GHR: variants seen among roughly 807,000 people sequenced by gnomAD.
GHR encodes the protein GH receptor.
GHR carries 35 observed loss-of-function variants against 67.1 expected under a neutral mutation model. The ratio of observed to expected loss-of-function variants is 0.52; its 90% CI spans 0.40 to 0.69. The LOEUF is 0.69. Ranked by LOEUF, GHR falls within the 30% of genes least tolerant of loss-of-function variation. The pLI is 0.00. For synonymous variants in GHR, 272 were observed against 269.1 expected (o/e 1.01, Z -0.10); for missense variants, 792 against 764.6 (o/e 1.04, Z -0.42).
At chr5:42,624,482 T>C (rs1218336042) in intron 2 of GHR, among the ~76,000 whole-genome samples, 1 of 152,208 alleles carries the variant, frequency 6.6e-6, no homozygotes, top group East Asian at 1.9e-4. Context: ...TGCTATCCCA[T>C]GATTAACATA....
chr5:42,560,443 C>T (rs1334497457), intron 1 of GHR, among the ~76,000 whole-genome samples: 2 of 152,160 alleles, frequency 1.3e-5, no homozygotes, highest in Non-Finnish European at 2.9e-5. Context: ...CCACCTGCCT[C>T]GGCCTCCCAA....
Position 42,427,066 on chromosome 5 carries a change from C to T in GHR, c.-12+3111C>T, listed in dbSNP as rs114138844. 2.7e-3 allele frequency among the ~76,000 whole-genome samples: 409 copies of T among 152,280 alleles called. 4 individuals are homozygous for T. The highest frequency in any genetic ancestry group is 9.5e-3 in the African/African-American group (395 of 41,548). ...TCTAGTCTCTTTTCCCTGTGTTTAC[C>T]ATACTTGAAAACAAATATTATCCTC... is the stretch of plus-strand genomic sequence containing the variant. On this transcript the variant is annotated intron_variant, in intron 1 of 9. Coordinates refer to ENST00000230882, the MANE Select transcript of GHR (RefSeq NM_000163.5).
At chr5:42,481,542 G>C (rs1191963019) in intron 1 of GHR, among the ~76,000 whole-genome samples, 1 of 152,000 alleles carries the variant, frequency 6.6e-6, no homozygotes, top group Non-Finnish European at 1.5e-5. Flanking sequence ...ACGTAGATTT[G>C]GTCTTTTCAC....
At chr5:42,534,055 T>A (rs955215660) in intron 1 of GHR, among the ~76,000 whole-genome samples, 1 of 150,492 alleles carries the variant, frequency 6.6e-6, no homozygotes, top group Non-Finnish European at 1.5e-5. Flanking sequence ...AGTATATGTA[T>A]GTATATATAT....
chr5:42,680,408 C>T (rs895919549), intron 3 of GHR, among the ~76,000 whole-genome samples: 7 of 151,930 alleles, frequency 4.6e-5, no homozygotes, highest in South Asian at 2.1e-4. Context: ...TCCACCATAA[C>T]GGGCCAAAAG....
intron 3 of GHR, among the ~76,000 whole-genome samples, chr5:42,644,313 C>T (rs560188923): frequency 1.1e-4 from 16 of 152,240 alleles, no homozygotes; most frequent in Middle Eastern, 3.4e-3. Context: ...GAGAATTGAT[C>T]TGAATCAAAG....
intron 1 of GHR, among the ~76,000 whole-genome samples, chr5:42,497,291 G>T (rs1333174667): frequency 6.6e-6 from 1 of 152,070 alleles, no homozygotes; most frequent in Non-Finnish European, 1.5e-5. Flanking sequence ...ATTAATCCTG[G>T]AACTTTTGAG....
chr5:42,504,543 G>A (rs745952223), intron 1 of GHR, among the ~76,000 whole-genome samples: 31 of 152,006 alleles, frequency 2.0e-4, no homozygotes, highest in Admixed American at 7.2e-4. Context: ...GGTAGATCAC[G>A]AGGTCAGGAG....
intron 1 of GHR, among the ~76,000 whole-genome samples, chr5:42,446,255 G>A (rs1355976439): frequency 6.6e-6 from 1 of 152,188 alleles, no homozygotes; most frequent in Non-Finnish European, 1.5e-5. Context: ...GAGGAGTTAT[G>A]AGAGACTTCC....
intron 1 of GHR, among the ~76,000 whole-genome samples, chr5:42,522,916 A>G (rs948022636): frequency 2.6e-5 from 4 of 152,220 alleles, no homozygotes; most frequent in African/African-American, 9.6e-5. Context: ...GCATTATGCA[A>G]GATAATAGAG....
chr5:42,592,487 G>A (rs1053096235), intron 2 of GHR, among the ~76,000 whole-genome samples: 2 of 152,166 alleles, frequency 1.3e-5, no homozygotes, highest in Non-Finnish European at 2.9e-5. Context: ...TCAGTGTTTA[G>A]CTCCCACTTA....
chr5:42,486,135 T>G (rs1237281152), intron 1 of GHR, among the ~76,000 whole-genome samples: 1 of 152,214 alleles, frequency 6.6e-6, no homozygotes, highest in Non-Finnish European at 1.5e-5. Flanking sequence ...ACACAGCTGG[T>G]CTGAGGACTA....
intron 1 of GHR, chr5:42,465,301 C>T (rs2940926): frequency 4.5e-6 from 3 of 665,896 alleles, no homozygotes; most frequent in East Asian, 5.0e-5. Context: ...TCTTGAAGAA[C>T]AGATTTTTTT....
intron 1 of GHR, among the ~76,000 whole-genome samples, chr5:42,495,276 G>C (rs1313086866): frequency 6.6e-6 from 1 of 151,966 alleles, no homozygotes; most frequent in Non-Finnish European, 1.5e-5. Context: ...GCATGTACTG[G>C]GAGACATGCA....
chr5:42,671,007 C>A (rs1561214857), intron 3 of GHR, among the ~76,000 whole-genome samples: 1 of 151,718 alleles, frequency 6.6e-6, no homozygotes, highest in Non-Finnish European at 1.5e-5. Context: ...CTCTGATGAA[C>A]ATAGACACAA....
At chr5:42,635,789 C>A (rs1436790206) in intron 3 of GHR, among the ~76,000 whole-genome samples, 1 of 152,152 alleles carries the variant, frequency 6.6e-6, no homozygotes, top group Non-Finnish European at 1.5e-5. Flanking sequence ...CTTTGGAATG[C>A]AGGTCCCTTC....
At chr5:42,657,177 A>AT (rs905341527) in intron 3 of GHR, among the ~76,000 whole-genome samples, 14 of 152,042 alleles carry the variant, frequency 9.2e-5, no homozygotes, top group Admixed American at 4.6e-4. Flanking sequence ...AGTGACCATG[A>AT]TTTTTTCCTC....
intron 1 of GHR, among the ~76,000 whole-genome samples, chr5:42,508,962 G>A (rs1746894941): frequency 6.6e-6 from 1 of 152,220 alleles, no homozygotes; most frequent in Non-Finnish European, 1.5e-5. Flanking sequence ...ATCACACTAT[G>A]TGATGAAATT....
intron 3 of GHR, among the ~76,000 whole-genome samples, chr5:42,670,880 A>ATATATATATAT (rs58161451): frequency 4.2e-5 from 5 of 118,210 alleles, no homozygotes; most frequent in African/African-American, 1.6e-4. Context: ...AAAAAAAAAA[A>ATATATATATAT]ATATATATAT....
Sources: allele counts gnomAD v4.1 joint callset (sites outside exome capture counted in the v4.1 genomes callset), GRCh38; gene constraint gnomAD v4.1.1; transcripts MANE v1.5; gene names NCBI Gene and HGNC (gene_info 2026-07-23, HGNC 2026-07-21).